Variants in RAD54L2 observed in about 807,000 individuals in gnomAD.
The protein encoded by RAD54L2 is RAD54 like 2, also known as helicase ARIP4.
RAD54L2 carries 27 observed loss-of-function variants against 138.4 expected under a neutral mutation model. The observed-to-expected ratio is 0.20, with a 90% CI of 0.14 to 0.27. The LOEUF (loss-of-function observed/expected upper bound fraction) is 0.27, where lower values mean the gene tolerates loss of function less well. Ranked by LOEUF, RAD54L2 falls within the 10% of genes least tolerant of loss-of-function variation. The pLI is 1.00. For synonymous variants in RAD54L2, 644 were observed against 723.2 expected, an observed-to-expected ratio of 0.89 and a Z score of 1.76; for missense variants, 1,396 against 1,890.2, an observed-to-expected ratio of 0.74 and a Z score of 4.85.
chr3:51,550,195 G>A (rs559254757), intron 2 of RAD54L2, among the ~76,000 whole-genome samples: 1 of 152,248 alleles, frequency 6.6e-6, no homozygotes, highest in South Asian at 2.1e-4. Context: ...TGCCTCCTAA[G>A]GGTCCCATTT....
chr3:51,559,585 A>G (rs1367735783), intron 2 of RAD54L2, among the ~76,000 whole-genome samples: 4 of 152,006 alleles, frequency 2.6e-5, no homozygotes, highest in Non-Finnish European at 5.9e-5. Flanking sequence ...TTATCCACTC[A>G]TTGTAGATTT....
chr3:51,625,904 T>G (rs894390997), intron 3 of RAD54L2, among the ~76,000 whole-genome samples: 2 of 151,924 alleles, frequency 1.3e-5, no homozygotes, highest in African/African-American at 4.8e-5. Context: ...GAGACCAGAA[T>G]AGACTGAGAA....
At position 51,605,651 on chromosome 3, in the gene RAD54L2, C is replaced by T. The variant is rs141974973; in HGVS notation, c.139+15092C>T. Among the ~76,000 whole-genome samples the T allele has an allele frequency of 5.1e-3, 780 of 152,090 alleles. 4 individuals carry two copies. Among genetic ancestry groups the T allele is most frequent in the Non-Finnish European group, 9.1e-3 (616 of 67,974 alleles). ...AGTTTTAGTAGAGACAGGGTTTCAC[C>T]ATGTTTGCTAGGCTGGTCTCGAACT... On this transcript the variant is annotated intron_variant, in intron 3 of 22. Transcript: ENST00000684192.
intron 2 of RAD54L2, among the ~76,000 whole-genome samples, chr3:51,555,581 G>C (rs1415920888): frequency 2.0e-5 from 3 of 152,102 alleles, no homozygotes; most frequent in Non-Finnish European, 2.9e-5. Flanking sequence ...GCTTGAACCT[G>C]GGGGAGGCGG....
At chr3:51,556,763 A>G (rs1407301987) in intron 2 of RAD54L2, among the ~76,000 whole-genome samples, 1 of 151,654 alleles carries the variant, frequency 6.6e-6, no homozygotes, top group Admixed American at 6.6e-5. Flanking sequence ...TTTAGTATAG[A>G]CGGGGTTTCT....
At chr3:51,660,546 C>T (rs1577472584) in intron 22 of RAD54L2, among the ~76,000 whole-genome samples, 2 of 151,960 alleles carry the variant, frequency 1.3e-5, no homozygotes, top group African/African-American at 4.8e-5. Context: ...CTCCTGACCT[C>T]GTGATCCGCC....
intron 3 of RAD54L2, among the ~76,000 whole-genome samples, chr3:51,611,101 A>AT (rs112744976): frequency 3.1e-3 from 448 of 145,124 alleles, no homozygotes; most frequent in South Asian, 8.1e-3. Flanking sequence ...CCTTTAACAG[A>AT]TTTTTTTTTT....
At chr3:51,593,739 A>G (rs77676170) in intron 3 of RAD54L2, among the ~76,000 whole-genome samples, 3 of 152,100 alleles carry the variant, frequency 2.0e-5, no homozygotes, top group Non-Finnish European at 4.4e-5. Flanking sequence ...TATTCTTTTC[A>G]AAAAACTGTC....
intron 3 of RAD54L2, among the ~76,000 whole-genome samples, chr3:51,595,875 A>G (rs1699947031): frequency 6.6e-6 from 1 of 150,840 alleles, no homozygotes; most frequent in African/African-American, 2.4e-5. Context: ...TCAAAATGTG[A>G]TACCTCTGGG....
At chr3:51,569,093 C>CA (rs1242507411) in intron 2 of RAD54L2, among the ~76,000 whole-genome samples, 2 of 152,134 alleles carry the variant, frequency 1.3e-5, no homozygotes, top group African/African-American at 4.8e-5. Context: ...TGCATATCTG[C>CA]AACAATTTGA....
intron 3 of RAD54L2, among the ~76,000 whole-genome samples, chr3:51,610,693 C>T (rs1269945743): frequency 6.6e-6 from 1 of 152,034 alleles, no homozygotes; most frequent in East Asian, 1.9e-4. Context: ...AATAATCTCC[C>T]CTTTTGGGAT....
intron 2 of RAD54L2, among the ~76,000 whole-genome samples, chr3:51,553,329 G>A (rs1326925196): frequency 2.6e-5 from 4 of 152,070 alleles, no homozygotes; most frequent in Admixed American, 6.6e-5. Context: ...ACCCGCCTCC[G>A]CCTCCCAAAG....
chr3:51,657,436 C>T, intron 20 of RAD54L2, 144 bp from the exon 21 acceptor site: 2 of 455,498 alleles, frequency 4.4e-6, no homozygotes, highest in Admixed American at 7.1e-5. Flanking sequence ...CTTGCTTCAC[C>T]TTCCTTGGTT....
intron 3 of RAD54L2, among the ~76,000 whole-genome samples, chr3:51,613,093 C>T (rs1382101792): frequency 6.6e-6 from 1 of 152,010 alleles, no homozygotes; most frequent in Non-Finnish European, 1.5e-5. Flanking sequence ...GCGCCTGCCA[C>T]CACACCCAGC....
Position 51,559,211 on chromosome 3 carries a change from A to G in RAD54L2, c.-55+17561A>G, listed in dbSNP as rs536714525. 2.6e-5 allele frequency among the ~76,000 whole-genome samples: 4 copies of G among 152,276 alleles called. No homozygotes were observed. In the East Asian group the frequency reaches 7.7e-4, roughly 29 times the overall value. ...CCGACAATAGCCCACTGAAATGGAA[A>G]GGGTTACTCTTTCACATTTAATGTG... On this transcript the variant is annotated intron_variant, in intron 2 of 22. Transcript: ENST00000684192.
intron 19 of RAD54L2, among the ~76,000 whole-genome samples, chr3:51,653,871 T>C (rs1307507876): frequency 6.6e-6 from 1 of 152,164 alleles, no homozygotes; most frequent in Non-Finnish European, 1.5e-5. Context: ...ACATGGCACA[T>C]GTATACATAC....
chr3:51,551,730 C>T (rs149776308), intron 2 of RAD54L2, among the ~76,000 whole-genome samples: 32 of 151,694 alleles, frequency 2.1e-4, no homozygotes, highest in African/African-American at 6.0e-4. Context: ...CCACTGCACC[C>T]GGCCTGTAGG....
At chr3:51,570,389 G>A (rs187565999) in intron 2 of RAD54L2, among the ~76,000 whole-genome samples, 67 of 151,592 alleles carry the variant, frequency 4.4e-4, no homozygotes, top group Non-Finnish European at 1.2e-4. Flanking sequence ...GGATCCACCT[G>A]CCTCGGCCTC....
chr3:51,663,411 T>C lies in RAD54L2; in HGVS notation c.4395T>C (p.Thr1465=). 6.2e-6 allele frequency: 10 copies of C among 1,610,312 alleles called. No individual in the cohort carries two copies. The highest frequency in any genetic ancestry group is 8.5e-6 in the Non-Finnish European group (10 of 1,177,174). Residue 1465 remains threonine, a synonymous_variant, in exon 23 of 23, where the codon ACT becomes ACC. Transcript: ENST00000684192. Reference sequence around the variant, plus strand: ...AAGACGATGATGTGATAGAGGTCACTGGGAAATAGCTAGGGAGCCCCTCCC... The same window carrying C: ...AAGACGATGATGTGATAGAGGTCACCGGGAAATAGCTAGGGAGCCCCTCCC... The part of the protein sequence containing the change: ...EDKDDDVIEV[T]GK
Sources: gnomAD v4.1 joint callset for allele counts (sites outside exome capture counted in the v4.1 genomes callset) on GRCh38, gnomAD v4.1.1 for gene constraint, MANE v1.5 for transcripts, NCBI Gene and HGNC (gene_info 2026-07-23, HGNC 2026-07-21) for gene names.